Variants in GPC5 observed in about 807,000 individuals in gnomAD.
GPC5 encodes glypican-5.
In GPC5, 47 loss-of-function variants were observed where a neutral mutation model predicts 53.9. That is an observed-to-expected ratio of 0.87 (90% confidence interval 0.69 to 1.11). The LOEUF (loss-of-function observed/expected upper bound fraction) is 1.11. Ranked by LOEUF, GPC5 falls within the 50% of genes most tolerant of loss-of-function variation. The pLI, the probability that GPC5 is intolerant of heterozygous loss-of-function variation, is 0.00. For synonymous variants in GPC5, 286 were observed against 263.3 expected (o/e 1.09, Z -0.84); for missense variants, 748 against 713.1 (o/e 1.05, Z -0.56).
At chr13:91,860,033 T>C (rs576996144) in intron 5 of GPC5, among the ~76,000 whole-genome samples, 3 of 152,244 alleles carry the variant, frequency 2.0e-5, no homozygotes, top group African/African-American at 7.2e-5. Context: ...AATTAGCATA[T>C]CCATCATTGC....
intron 7 of GPC5, chr13:92,721,533 C>T (rs1888507987): frequency 6.6e-6 from 1 of 152,014 alleles, no homozygotes; most frequent in Non-Finnish European, 1.5e-5. Flanking sequence ...TGAAAACTCA[C>T]CAGGATCCCT....
At chr13:91,977,109 G>A (rs1594701117) in intron 6 of GPC5, among the ~76,000 whole-genome samples, 1 of 151,660 alleles carries the variant, frequency 6.6e-6, no homozygotes, top group East Asian at 1.9e-4. Context: ...CAATTTTTAT[G>A]TTTATCCAAA....
chr13:92,781,932 T>C (rs745347704), intron 7 of GPC5, among the ~76,000 whole-genome samples: 3 of 152,120 alleles, frequency 2.0e-5, no homozygotes, highest in Non-Finnish European at 4.4e-5. Flanking sequence ...TTATCAATAA[T>C]GTGCACAAAA....
At chr13:92,641,063 C>T (rs1302668793) in intron 7 of GPC5, among the ~76,000 whole-genome samples, 1 of 152,058 alleles carries the variant, frequency 6.6e-6, no homozygotes, top group African/African-American at 2.4e-5. Context: ...CACGAGAATA[C>T]TTATCTTTGG....
chr13:92,039,665 G>C (rs2040926537), intron 6 of GPC5, among the ~76,000 whole-genome samples: 1 of 152,176 alleles, frequency 6.6e-6, no homozygotes, highest in Non-Finnish European at 1.5e-5. Flanking sequence ...GTAAATGCAT[G>C]AGATCGAGGT....
intron 7 of GPC5, among the ~76,000 whole-genome samples, chr13:92,334,185 A>G (rs1330269869): frequency 6.6e-6 from 1 of 152,136 alleles, no homozygotes; most frequent in Admixed American, 6.5e-5. Context: ...GGTTTAATGG[A>G]CTCACAGTTC....
intron 5 of GPC5, among the ~76,000 whole-genome samples, chr13:91,878,947 A>G (rs2039234403): frequency 6.6e-6 from 1 of 152,172 alleles, no homozygotes; most frequent in Non-Finnish European, 1.5e-5. Flanking sequence ...AATCTCTGTG[A>G]TAAACAGCCT....
intron 6 of GPC5, among the ~76,000 whole-genome samples, chr13:91,963,174 C>T (rs1421667061): frequency 6.6e-6 from 1 of 151,974 alleles, no homozygotes; most frequent in Admixed American, 6.6e-5. Context: ...GGTATAAAGT[C>T]CAAAATTATA....
chr13:92,478,353 A>G (rs1237063876), intron 7 of GPC5, among the ~76,000 whole-genome samples: 1 of 152,216 alleles, frequency 6.6e-6, no homozygotes, highest in Non-Finnish European at 1.5e-5. Context: ...ATACTGTTAA[A>G]GTCAAGTATT....
At chr13:92,434,713 G>A (rs1877232006) in intron 7 of GPC5, among the ~76,000 whole-genome samples, 1 of 152,036 alleles carries the variant, frequency 6.6e-6, no homozygotes, top group Non-Finnish European at 1.5e-5. Context: ...TCTGTGTCAA[G>A]CCCCTTATTA....
At position 92,001,798 on chromosome 13, in the gene GPC5, C is replaced by T. The variant is rs1363699790; in HGVS notation, c.1401+93741C>T. ...TTTTTTCTTATTGCAATAAAGAGCA[C>T]TTGAGAGAAGCATATTAGATACAAC... On this transcript the variant is annotated intron_variant, in intron 6 of 7. Coordinates refer to ENST00000377067, the MANE Select transcript of GPC5 (RefSeq NM_004466.6). Among the ~76,000 whole-genome samples, 7 of 151,922 alleles carry T rather than the reference C, an allele frequency of 4.6e-5. No homozygotes were observed. The East Asian group carries it at 1.3e-3, about 29-fold the overall frequency.
At chr13:91,514,199 G>A (rs867924520) in intron 2 of GPC5, among the ~76,000 whole-genome samples, 2 of 152,100 alleles carry the variant, frequency 1.3e-5, no homozygotes, top group Non-Finnish European at 1.5e-5. Flanking sequence ...ATAATAGCAT[G>A]TTTAGTTTTA....
intron 7 of GPC5, among the ~76,000 whole-genome samples, chr13:92,748,364 C>T (rs1022057717): frequency 7.0e-6 from 1 of 142,414 alleles, no homozygotes; most frequent in Non-Finnish European, 1.5e-5. Context: ...GATGGAGTCT[C>T]GCTCTGTCAC....
intron 6 of GPC5, among the ~76,000 whole-genome samples, chr13:92,006,115 G>A (rs1277446482): frequency 6.6e-6 from 1 of 152,102 alleles, no homozygotes; most frequent in Non-Finnish European, 1.5e-5. Context: ...TTACACCACT[G>A]AGTTTGTATA....
chr13:91,867,639 A>C (rs1420747568), intron 5 of GPC5, among the ~76,000 whole-genome samples: 15 of 152,216 alleles, frequency 9.9e-5, no homozygotes, highest in Non-Finnish European at 2.2e-4. Context: ...GATTTAATCA[A>C]ATGTTAAATC....
chr13:92,054,407 G>A (rs1239803235), intron 6 of GPC5, among the ~76,000 whole-genome samples: 1 of 152,040 alleles, frequency 6.6e-6, no homozygotes, highest in African/African-American at 2.4e-5. Context: ...CTTAATATCA[G>A]CAAGCATTTA....
intron 7 of GPC5, among the ~76,000 whole-genome samples, chr13:92,543,345 T>C (rs1000288251): frequency 6.6e-6 from 1 of 152,098 alleles, no homozygotes; most frequent in African/African-American, 2.4e-5. Flanking sequence ...ATTCAGATCA[T>C]GAATTGTTTA....
intron 7 of GPC5, among the ~76,000 whole-genome samples, chr13:92,578,538 T>C (rs1261799034): frequency 6.6e-6 from 1 of 152,154 alleles, no homozygotes; most frequent in East Asian, 1.9e-4. Context: ...TGTAGCGTAA[T>C]GCGGTCTGAG....
At chr13:91,522,804 T>C (rs1050899843) in intron 2 of GPC5, among the ~76,000 whole-genome samples, 18 of 152,214 alleles carry the variant, frequency 1.2e-4, no homozygotes, top group Non-Finnish European at 2.2e-4. Context: ...CTGAGAATGA[T>C]GGTTTCCAGC....
Sources: gnomAD v4.1 joint callset for allele counts (sites outside exome capture counted in the v4.1 genomes callset) on GRCh38, gnomAD v4.1.1 for gene constraint, MANE v1.5 for transcripts, NCBI Gene and HGNC (gene_info 2026-07-23, HGNC 2026-07-21) for gene names.